Variants in DISC1 observed in about 807,000 individuals in gnomAD.
The protein encoded by DISC1 is DISC1 scaffold protein, also known as disrupted in schizophrenia 1 protein.
DISC1 carries 57 observed loss-of-function variants against 84.5 expected under a neutral mutation model. The observed-to-expected ratio is 0.67, with a 90% CI of 0.55 to 0.84. DISC1 has a LOEUF of 0.84. Ranked by LOEUF, DISC1 falls within the 40% of genes least tolerant of loss-of-function variation. The probability of loss-of-function intolerance (pLI) is 0.00; values close to 1 mark genes in which losing one functional copy is unlikely to be tolerated. For missense variants in DISC1, 1,000 were observed against 1,057.8 expected (o/e 0.95, Z 0.76); for synonymous variants, 411 against 415.2 (o/e 0.99, Z 0.12).
At position 231,825,272 on chromosome 1, in the gene DISC1, A is replaced by G. The variant is rs556016901; in HGVS notation, c.1981+6755A>G. On this transcript the variant is annotated intron_variant, in intron 9 of 12. Coordinates refer to ENST00000439617, the MANE Select transcript of DISC1 (RefSeq NM_018662.3). ...ACAATGATGTTTTCAATTATATTTC[A>G]TACCAAATTGCAACAGGCAGTTTTT... Among the ~76,000 whole-genome samples, 8 of 151,962 alleles carry G rather than the reference A, an allele frequency of 5.3e-5. No homozygotes were observed. The East Asian group carries it at 1.2e-3, about 22-fold the overall frequency.
At chr1:231,912,793 CTTTCTTTCT>C in intron 9 of DISC1, among the ~76,000 whole-genome samples, 1 of 130,638 alleles carries the variant, frequency 7.7e-6, no homozygotes, top group Non-Finnish European at 1.7e-5. Context: ...TTCTTTCTTT[CTTTCTTTCT>C]TTCTTTTTCT....
intron 9 of DISC1, among the ~76,000 whole-genome samples, chr1:231,913,331 A>G (rs911149475): frequency 1.3e-5 from 2 of 152,086 alleles, no homozygotes; most frequent in Non-Finnish European, 2.9e-5. Flanking sequence ...TAAATGCTTC[A>G]TGTTGGGGTA....
At chr1:231,907,431 C>T (rs1237254150) in intron 9 of DISC1, among the ~76,000 whole-genome samples, 2 of 150,842 alleles carry the variant, frequency 1.3e-5, no homozygotes, top group East Asian at 3.9e-4. Context: ...GTTTTCTGTC[C>T]TTGTGATAGT....
chr1:231,727,024 A>C (rs1056359129), intron 3 of DISC1, among the ~76,000 whole-genome samples: 2 of 152,164 alleles, frequency 1.3e-5, no homozygotes, highest in Non-Finnish European at 2.9e-5. Flanking sequence ...TAATGCAGTC[A>C]GTACTTGGTA....
chr1:231,885,926 A>G (rs2125991768), intron 9 of DISC1, among the ~76,000 whole-genome samples: 1 of 152,310 alleles, frequency 6.6e-6, no homozygotes, highest in South Asian at 2.1e-4. Flanking sequence ...TTGGTAATTT[A>G]TAAAGAGCAG....
chr1:231,859,802 G>T (rs771306704), intron 9 of DISC1, among the ~76,000 whole-genome samples: 7 of 152,318 alleles, frequency 4.6e-5, no homozygotes, highest in Middle Eastern at 3.4e-3. Context: ...GAGTGCCAGA[G>T]AGTAAGGAAG....
At chr1:231,846,131 G>A (rs1271259943) in intron 9 of DISC1, among the ~76,000 whole-genome samples, 2 of 152,162 alleles carry the variant, frequency 1.3e-5, no homozygotes, top group East Asian at 3.9e-4. Flanking sequence ...TGACTGCTTG[G>A]GTAGGGGTGG....
rs865798989 is a variant in DISC1 at position 231,635,934 on chromosome 1, A to T, written c.67+9000A>T. Among the ~76,000 whole-genome samples, 3 of 152,328 alleles carry T rather than the reference A, an allele frequency of 2.0e-5. No homozygotes were observed. The Middle Eastern group carries it at 0.01, about 518-fold the overall frequency. On this transcript the variant is annotated intron_variant, in intron 1 of 12. Coordinates refer to ENST00000439617, the MANE Select transcript of DISC1 (RefSeq NM_018662.3). The stretch of plus-strand genomic sequence containing the variant: ...ATTCATTCTCATGAAGTTTCCGGAT[A>T]TTGTTTCATCAGAAGGACTGGGCAC...
chr1:231,826,223 G>C lies in DISC1; in HGVS notation c.1981+7706G>C, dbSNP rs527920450. On this transcript the variant is annotated intron_variant, in intron 9 of 12. Transcript: ENST00000439617. This position sits in a 1 kb window ranked among gnomAD's most constrained non-coding sequence, Gnocchi z 4.2. Reference sequence around the variant, plus strand: ...GATCCTGTCACAGAGCCTTCAGGGGGCAAGGCCACCATCTGAATCCCTCTT... The same window carrying C: ...GATCCTGTCACAGAGCCTTCAGGGGCCAAGGCCACCATCTGAATCCCTCTT... Among the ~76,000 whole-genome samples, 46 of 152,244 alleles carry C rather than the reference G, an allele frequency of 3.0e-4. No homozygotes were observed. The highest frequency in any genetic ancestry group is 3.4e-3 in the Middle Eastern group (1 of 294).
chr1:231,854,916 A>G (rs1348515111), intron 9 of DISC1: 3 of 573,454 alleles, frequency 5.2e-6, no homozygotes, highest in African/African-American at 1.9e-5. Context: ...GGGTTTTACC[A>G]TGTTGACCAG....
chr1:231,900,272 C>T (rs567885628), intron 9 of DISC1, among the ~76,000 whole-genome samples: 86 of 152,296 alleles, frequency 5.6e-4, no homozygotes, highest in African/African-American at 1.9e-3. Flanking sequence ...TGCAAGCTAG[C>T]GCACATTCCC....
intron 8 of DISC1, among the ~76,000 whole-genome samples, chr1:231,809,367 T>C (rs1451706654): frequency 2.6e-5 from 4 of 151,876 alleles, no homozygotes; most frequent in Non-Finnish European, 4.4e-5. Flanking sequence ...GGTTCTTAGA[T>C]TGGCCATCTT....
intron 4 of DISC1, among the ~76,000 whole-genome samples, chr1:231,759,526 CAAAAAA>C (rs767431903): frequency 9.7e-4 from 47 of 48,294 alleles, no homozygotes; most frequent in African/African-American, 3.8e-3. Context: ...CCCATCTCTA[CAAAAAA>C]AAAAAAAAAA....
rs530676626 is a variant in DISC1 at position 231,881,570 on chromosome 1, G to C, written c.1981+63053G>C. 6.6e-5 allele frequency among the ~76,000 whole-genome samples: 10 copies of C among 152,186 alleles called. No homozygotes were observed. In the South Asian group the frequency reaches 1.9e-3, roughly 28 times the overall value. On this transcript the variant is annotated intron_variant, in intron 9 of 12. Coordinates refer to ENST00000439617, the MANE Select transcript of DISC1 (RefSeq NM_018662.3). Reference sequence around the variant, plus strand: ...ATCCCCAAATAAGTTCCCATTCTGAGGTCCCAGGGGTTAAGGTCTCCAACA... The same window carrying C: ...ATCCCCAAATAAGTTCCCATTCTGACGTCCCAGGGGTTAAGGTCTCCAACA...
intron 9 of DISC1, among the ~76,000 whole-genome samples, chr1:231,939,987 C>T (rs1187962303): frequency 6.6e-6 from 1 of 152,130 alleles, no homozygotes; most frequent in Non-Finnish European, 1.5e-5. Flanking sequence ...AGGTGATCCA[C>T]CCACTTCAGC....
At chr1:231,819,065 A>G (rs200770865) in intron 9 of DISC1, 11 of 987,056 alleles carry the variant, frequency 1.1e-5, no homozygotes, top group Non-Finnish European at 1.3e-5. Flanking sequence ...TTCCTTTTCC[A>G]GTCGTTAGGA....
At chr1:231,819,174 TGG>T (rs1475247171) in intron 9 of DISC1, 1 of 969,762 alleles carries the variant, frequency 1.0e-6, no homozygotes, top group African/African-American at 1.8e-5. Flanking sequence ...TCTTAAAAAA[TGG>T]TTCCTAAATA....
intron 1 of DISC1, among the ~76,000 whole-genome samples, chr1:231,680,307 T>C (rs1436103512): frequency 3.3e-5 from 5 of 152,228 alleles, no homozygotes. Flanking sequence ...AGAAATTTTA[T>C]AAAAGAAGGG....
intron 5 of DISC1, among the ~76,000 whole-genome samples, chr1:231,769,399 A>G (rs984932130): frequency 6.6e-6 from 1 of 152,264 alleles, no homozygotes; most frequent in African/African-American, 2.4e-5. Context: ...AATGATAAAC[A>G]AAATGAGTAT....
Sources: allele counts gnomAD v4.1 joint callset (sites outside exome capture counted in the v4.1 genomes callset), GRCh38; gene constraint gnomAD v4.1.1; non-coding constraint Gnocchi (gnomAD v3.1); transcripts MANE v1.5; gene names NCBI Gene and HGNC (gene_info 2026-07-23, HGNC 2026-07-21).